Variants in TECRL observed in about 807,000 individuals in gnomAD.
TECRL encodes the protein trans-2,3-enoyl-CoA reductase-like.
TECRL carries 63 observed loss-of-function variants against 52.8 expected under a neutral mutation model. The ratio of observed to expected loss-of-function variants is 1.19; its 90% CI spans 0.97 to 1.47. TECRL has a LOEUF of 1.47. Ranked by LOEUF, TECRL falls within the 40% of genes most tolerant of loss-of-function variation. TECRL has a pLI of 0.00. For synonymous variants in TECRL, 164 were observed against 141.9 expected (o/e 1.16, Z -1.10); for missense variants, 482 against 429.6 (o/e 1.12, Z -1.08).
intron 2 of TECRL, among the ~76,000 whole-genome samples, chr4:64,343,191 G>A (rs1361627905): frequency 6.6e-6 from 1 of 152,100 alleles, no homozygotes; most frequent in Non-Finnish European, 1.5e-5. Context: ...TTCTAAGACA[G>A]AGCACCTGGC....
chr4:64,301,511 A>T (rs1724017474), intron 7 of TECRL, among the ~76,000 whole-genome samples: 2 of 151,188 alleles, frequency 1.3e-5, no homozygotes, highest in Non-Finnish European at 3.0e-5. Flanking sequence ...AGTACACACA[A>T]AGCCAAAGTC....
intron 1 of TECRL, among the ~76,000 whole-genome samples, chr4:64,385,594 G>C (rs1723120943): frequency 6.6e-6 from 1 of 152,126 alleles, no homozygotes; most frequent in Non-Finnish European, 1.5e-5. Flanking sequence ...AGGTGGATAT[G>C]AGGGGATGTC....
intron 2 of TECRL, among the ~76,000 whole-genome samples, chr4:64,346,231 T>A (rs188994517): frequency 2.1e-4 from 32 of 152,332 alleles, no homozygotes; most frequent in Admixed American, 1.3e-3. Context: ...AGGTGTACAT[T>A]GCAAGCTGTC....
chr4:64,365,760 C>A (rs1452976944), intron 2 of TECRL, among the ~76,000 whole-genome samples: 1 of 151,852 alleles, frequency 6.6e-6, no homozygotes, highest in East Asian at 1.9e-4. Flanking sequence ...AAATTACATG[C>A]TCATGTATAA....
chr4:64,359,360 C>G lies in TECRL; in HGVS notation c.286+15812G>C, dbSNP rs546660114. Among the ~76,000 whole-genome samples the G allele has an allele frequency of 8.5e-4, 129 of 151,912 alleles. 1 individual carries two copies. The highest frequency in any genetic ancestry group is 3.0e-3 in the African/African-American group (125 of 41,492). ...TCTCACCATCCAGATATCTATCTCC[C>G]GTTGAATTGTAAATGCCATTATACT... On this transcript the variant is annotated intron_variant, in intron 2 of 11. Coordinates refer to ENST00000381210, the MANE Select transcript of TECRL (RefSeq NM_001010874.5).
At chr4:64,315,367 C>T (rs1048501375) in intron 4 of TECRL, among the ~76,000 whole-genome samples, 7 of 151,932 alleles carry the variant, frequency 4.6e-5, no homozygotes, top group Non-Finnish European at 1.0e-4. Context: ...TAGAGAGACA[C>T]TAACAATATT....
chr4:64,395,427 G>A lies in TECRL; in HGVS notation c.234+13691C>T, dbSNP rs1357225837. Among the ~76,000 whole-genome samples, 5 of 152,028 alleles carry A rather than the reference G, an allele frequency of 3.3e-5. No homozygotes were observed. In the South Asian group the frequency reaches 1.0e-3, roughly 31 times the overall value. On this transcript the variant is annotated intron_variant, in intron 1 of 11. Coordinates refer to ENST00000381210, the MANE Select transcript of TECRL (RefSeq NM_001010874.5). The stretch of plus-strand genomic sequence containing the variant: ...AGATAAGTTTGAGCACAAAACTTTA[G>A]TGAAAAGGAACAACTAACACGATCA...
chr4:64,326,604 G>A (rs1268210166), intron 3 of TECRL, among the ~76,000 whole-genome samples: 1 of 152,018 alleles, frequency 6.6e-6, no homozygotes, highest in Non-Finnish European at 1.5e-5. Flanking sequence ...TTTGCTGAGG[G>A]GTGAGAGACC....
chr4:64,292,130 T>C (rs1723425822), intron 8 of TECRL, among the ~76,000 whole-genome samples: 2 of 152,008 alleles, frequency 1.3e-5, no homozygotes, highest in Non-Finnish European at 2.9e-5. Flanking sequence ...GCTCAGTCAG[T>C]GCTGTAAAAC....
chr4:64,282,189 GTTAA>G (rs907828309), intron 9 of TECRL, among the ~76,000 whole-genome samples: 9 of 151,966 alleles, frequency 5.9e-5, no homozygotes, highest in African/African-American at 2.2e-4. Flanking sequence ...CTTTATTTTT[GTTAA>G]TTATTTTCCC....
At chr4:64,358,135 C>T (rs1720910105) in intron 2 of TECRL, among the ~76,000 whole-genome samples, 1 of 151,406 alleles carries the variant, frequency 6.6e-6, no homozygotes, top group African/African-American at 2.4e-5. Flanking sequence ...TTATCATTTT[C>T]GGTCTGTAAA....
chr4:64,322,669 C>A lies in TECRL; in HGVS notation c.435+20G>T. On this transcript the variant is annotated intron_variant, in intron 4 of 11. Transcript: ENST00000381210. ...AGCAAAATATGAGAAATGTATATTA[C>A]ATTTCAAATTAACACTTACTGTGGT... 6.6e-7 allele frequency: 1 copy of A among 1,524,974 alleles called. No individual in the cohort carries two copies. 94.5% of individuals were successfully genotyped at this position (1,524,974 alleles called of 1,614,324 possible).
intron 1 of TECRL, among the ~76,000 whole-genome samples, chr4:64,387,655 G>A (rs1376616233): frequency 6.6e-6 from 1 of 151,978 alleles, no homozygotes. Context: ...ATAATGTAGA[G>A]TCTCTTTTTG....
At chr4:64,372,394 C>T (rs1722036845) in intron 2 of TECRL, among the ~76,000 whole-genome samples, 1 of 151,774 alleles carries the variant, frequency 6.6e-6, no homozygotes, top group Admixed American at 6.6e-5. Context: ...TCATGAAAAA[C>T]ATTCCTCTCT....
At chr4:64,352,695 C>A (rs916708297) in intron 2 of TECRL, among the ~76,000 whole-genome samples, 1 of 152,104 alleles carries the variant, frequency 6.6e-6, no homozygotes, top group Non-Finnish European at 1.5e-5. Flanking sequence ...CATGTATATG[C>A]TCATGCACAT....
In TECRL at chr4:64,409,400, A is replaced by C; in HGVS notation, c.-49T>G. 2.5e-6 allele frequency: 4 copies of C among 1,591,736 alleles called. No individual in the cohort carries two copies. The South Asian group carries it at 4.5e-5, about 18-fold the overall frequency. The stretch of plus-strand genomic sequence containing the variant: ...GTCATGTCAAAAGTAGAAAATTGCA[A>C]GTGTGTTCCTTTTGCATCAGTTAAA... On this transcript the variant is annotated 5_prime_UTR_variant, in exon 1 of 12. Transcript: ENST00000381210.
At chr4:64,335,291 C>A (rs1267116583) in intron 2 of TECRL, among the ~76,000 whole-genome samples, 1 of 152,092 alleles carries the variant, frequency 6.6e-6, no homozygotes, top group African/African-American at 2.4e-5. Context: ...CATAGCAGCA[C>A]CTACCCTATT....
intron 2 of TECRL, among the ~76,000 whole-genome samples, chr4:64,373,619 G>C (rs536780830): frequency 3.4e-4 from 51 of 151,660 alleles, no homozygotes; most frequent in African/African-American, 1.2e-3. Flanking sequence ...ACTCGACTTT[G>C]ATTCATGTAC....
intron 2 of TECRL, among the ~76,000 whole-genome samples, chr4:64,343,165 A>G (rs1213479222): frequency 6.6e-6 from 1 of 152,162 alleles, no homozygotes; most frequent in Non-Finnish European, 1.5e-5. Context: ...ATAAAGGGAA[A>G]TTAGACAAAA....
Sources: gnomAD v4.1 joint callset for allele counts (sites outside exome capture counted in the v4.1 genomes callset) on GRCh38, gnomAD v4.1.1 for gene constraint, MANE v1.5 for transcripts, NCBI Gene and HGNC (gene_info 2026-07-23, HGNC 2026-07-21) for gene names.